The following ZNF141 variants were observed in gnomAD, a reference collection of about 807,000 sequenced individuals.
ZNF141 encodes the protein zinc finger protein 141 (clone pHZ-44).
In ZNF141, 7 loss-of-function variants were observed where a neutral mutation model predicts 11.3. The observed-to-expected ratio is 0.62, with a 90% CI of 0.35 to 1.16. The LOEUF (loss-of-function observed/expected upper bound fraction) is 1.16. Ranked by LOEUF, ZNF141 falls within the 50% of genes most tolerant of loss-of-function variation. The pLI is 0.02. For missense variants in ZNF141, 535 were observed against 554.0 expected (o/e 0.97, Z 0.34); for synonymous variants, 183 against 190.7 (o/e 0.96, Z 0.33).
At chr4:353,073 T>C (rs1392373615) in intron 3 of ZNF141, among the ~76,000 whole-genome samples, 1 of 152,104 alleles carries the variant, frequency 6.6e-6, no homozygotes, top group African/African-American at 2.4e-5. Context: ...ATATTTGGTG[T>C]TGGAATAAAG....
chr4:360,734 T>C (rs571298809), intron 3 of ZNF141, among the ~76,000 whole-genome samples: 2 of 152,332 alleles, frequency 1.3e-5, no homozygotes, highest in African/African-American at 4.8e-5. Flanking sequence ...CATAAATATA[T>C]ATGTGACATT....
intron 1 of ZNF141, among the ~76,000 whole-genome samples, chr4:342,214 C>T (rs1721082073): frequency 6.6e-6 from 1 of 152,312 alleles, no homozygotes; most frequent in South Asian, 2.1e-4. Flanking sequence ...CATCACAGTG[C>T]TCTGTGACAT....
In ZNF141 at chr4:374,490, T is replaced by C. The variant is rs1712264650; in HGVS notation, c.*628T>C. The C allele has an allele frequency of 7.3e-6, 2 of 275,014 alleles. No individual in the cohort carries two copies. The highest frequency in any genetic ancestry group is 4.4e-5 in the South Asian group (1 of 22,804). 17.0% of individuals were successfully genotyped at this position (275,014 alleles called of 1,614,324 possible). The stretch of plus-strand genomic sequence containing the variant: ...AGAATGTGGCAAAGCCTTCAATAGG[T>C]TCTCAACCCTTACTGTGCACAAGAT... On this transcript the variant is annotated 3_prime_UTR_variant, in exon 4 of 4. Coordinates refer to ENST00000240499, the MANE Select transcript of ZNF141 (RefSeq NM_003441.4).
intron 2 of ZNF141, 71 bp from the exon 3 acceptor site, chr4:344,264 C>G (rs1291282730): frequency 3.9e-6 from 5 of 1,295,996 alleles, no homozygotes; most frequent in Admixed American, 1.9e-5. Flanking sequence ...TTCTGCTTAG[C>G]GTAGTACTAG....
intron 3 of ZNF141, among the ~76,000 whole-genome samples, chr4:351,795 G>A (rs753957944): frequency 5.3e-5 from 8 of 152,134 alleles, no homozygotes; most frequent in Non-Finnish European, 1.2e-4. Context: ...TCTTTCAGGT[G>A]TCTCAGCCTG....
At chr4:348,691 T>G (rs1231160855) in intron 3 of ZNF141, among the ~76,000 whole-genome samples, 1 of 149,346 alleles carries the variant, frequency 6.7e-6, no homozygotes, top group Non-Finnish European at 1.5e-5. Flanking sequence ...ATTGTGCCAC[T>G]GCACTCCAGC....
At chr4:349,525 G>A (rs376500285) in intron 3 of ZNF141, among the ~76,000 whole-genome samples, 2 of 152,176 alleles carry the variant, frequency 1.3e-5, no homozygotes, top group East Asian at 3.9e-4. Context: ...CCTGGAGGCA[G>A]GCCTGCAAGT....
At chr4:372,188 A>G (rs1001586283) in intron 3 of ZNF141, among the ~76,000 whole-genome samples, 31 of 152,224 alleles carry the variant, frequency 2.0e-4, no homozygotes, top group Non-Finnish European at 3.8e-4. Context: ...AGCAGACCCA[A>G]TCCCTCCCAA....
At position 352,910 on chromosome 4, in the gene ZNF141, C is replaced by G. The variant is rs77114946; in HGVS notation, c.226+8480C>G. On this transcript the variant is annotated intron_variant, in intron 3 of 3. Coordinates refer to ENST00000240499, the MANE Select transcript of ZNF141 (RefSeq NM_003441.4). ...AGTTGCTCAGAAGTGTAGGTGGGCCCCTGGAGTTTGTGACTGGCATGTGCA... is the reference window on the plus strand; with the variant it reads ...AGTTGCTCAGAAGTGTAGGTGGGCCGCTGGAGTTTGTGACTGGCATGTGCA... Among the ~76,000 whole-genome samples, 602 of 152,116 alleles carry G rather than the reference C, an allele frequency of 4.0e-3. 3 individuals carry two copies. Among genetic ancestry groups the G allele is most frequent in the African/African-American group, 0.014 (588 of 41,492 alleles).
intron 3 of ZNF141, among the ~76,000 whole-genome samples, chr4:361,826 C>T (rs1196428195): frequency 4.6e-5 from 7 of 152,078 alleles, no homozygotes; most frequent in Admixed American, 6.6e-5. Context: ...TGAATAGTGC[C>T]GCAGTAAACA....
At chr4:346,697 A>G (rs1721331897) in intron 3 of ZNF141, among the ~76,000 whole-genome samples, 1 of 152,132 alleles carries the variant, frequency 6.6e-6, no homozygotes, top group Admixed American at 6.5e-5. Flanking sequence ...TAGATTTCCT[A>G]TCTAACTGAG....
intron 3 of ZNF141, among the ~76,000 whole-genome samples, chr4:348,066 G>C (rs782100535): frequency 7.2e-5 from 11 of 151,748 alleles, no homozygotes; most frequent in African/African-American, 2.2e-4. Context: ...AGATGGTCTC[G>C]ATCTCCTGAT....
In ZNF141 at chr4:340,609, C is replaced by T. The variant is rs149067352; in HGVS notation, c.3+2623C>T. Among the ~76,000 whole-genome samples the T allele has an allele frequency of 7.4e-3, 1,122 of 152,266 alleles. 11 individuals carry two copies. Among genetic ancestry groups the T allele is most frequent in the Middle Eastern group, 0.071 (21 of 294 alleles). On this transcript the variant is annotated intron_variant, in intron 1 of 3. Coordinates refer to ENST00000240499, the MANE Select transcript of ZNF141 (RefSeq NM_003441.4). Reference sequence around the variant, plus strand: ...GCAGTTCCAAATTCTGAGTTTATGTCCTGGGATTTGAGAGAAGAACAGAAC... The same window carrying T: ...GCAGTTCCAAATTCTGAGTTTATGTTCTGGGATTTGAGAGAAGAACAGAAC...
rs34509477 is a variant in ZNF141 at position 369,764 on chromosome 4, ATTTT to A, written c.227-2883_227-2880del. ...TATATATATATATATATATATATAT[ATTTT>A]TTTTTTTTTTTTTTTTGAGAGGGAG... On this transcript the variant is annotated intron_variant, in intron 3 of 3. Transcript: ENST00000240499. Among the ~76,000 whole-genome samples, 28 of 48,714 alleles carry A rather than the reference ATTTT, an allele frequency of 5.7e-4. 1 individual carries two copies. The highest frequency in any genetic ancestry group is 1.4e-3 in the East Asian group (3 of 2,162). 32.0% of individuals were successfully genotyped at this position (48,714 alleles called of 152,430 possible).
chr4:377,817 C>A lies in ZNF141; in HGVS notation c.*3955C>A, dbSNP rs1471652405. Among the ~76,000 whole-genome samples, 1 of 152,016 alleles carries A rather than the reference C, an allele frequency of 6.6e-6. No homozygotes were observed. Among genetic ancestry groups the A allele is most frequent in the African/African-American group, 2.4e-5 (1 of 41,378 alleles). Reference sequence around the variant, plus strand: ...ATAAGTGGGTTGTATATTGTACCACCATATGAAGAAACATCAGAATTTTGA... The same window carrying A: ...ATAAGTGGGTTGTATATTGTACCACAATATGAAGAAACATCAGAATTTTGA... On this transcript the variant is annotated 3_prime_UTR_variant, in exon 4 of 4. Coordinates refer to ENST00000240499, the MANE Select transcript of ZNF141 (RefSeq NM_003441.4).
chr4:342,623 A>G (rs1359246194), intron 1 of ZNF141, among the ~76,000 whole-genome samples: 9 of 152,224 alleles, frequency 5.9e-5, no homozygotes, highest in African/African-American at 2.2e-4. Context: ...GAAGCTTGAG[A>G]GGCAGTGCTT....
rs1423531875 is a variant in ZNF141, at chr4:377,361, C to T, written c.*3499C>T. ...GAGATTGAAAATAATCTGTGGCGAA[C>T]AAATGGCATTAATTGTGCATGTGGA... On this transcript the variant is annotated 3_prime_UTR_variant, in exon 4 of 4. Transcript: ENST00000240499. 6.6e-6 allele frequency among the ~76,000 whole-genome samples: 1 copy of T among 152,186 alleles called. No homozygotes were observed. Among genetic ancestry groups the T allele is most frequent in the Non-Finnish European group, 1.5e-5 (1 of 68,038 alleles).
chr4:352,153 C>A (rs543945660), intron 3 of ZNF141, among the ~76,000 whole-genome samples: 2 of 151,996 alleles, frequency 1.3e-5, no homozygotes. Context: ...TTTGGGAGGC[C>A]GAGACGGGCA....
chr4:355,907 C>A (rs550525144), intron 3 of ZNF141, among the ~76,000 whole-genome samples: 14 of 152,198 alleles, frequency 9.2e-5, no homozygotes, highest in Middle Eastern at 3.4e-3. Context: ...TTGTAATAGA[C>A]CCACTCTCAT....
Sources: gnomAD v4.1 joint callset for allele counts (sites outside exome capture counted in the v4.1 genomes callset) on GRCh38, gnomAD v4.1.1 for gene constraint, MANE v1.5 for transcripts, NCBI Gene and HGNC (gene_info 2026-07-23, HGNC 2026-07-21) for gene names.